The following RP1 variants were observed in gnomAD, a reference collection of about 807,000 sequenced individuals.
RP1 encodes oxygen-regulated protein 1.
Under a neutral mutation model 14.8 loss-of-function variants are expected in RP1, and 16 were observed. That is an observed-to-expected ratio of 1.08 (90% CI 0.73 to 1.65). The LOEUF is 1.65. Among genes scored for constraint, RP1 ranks in the 40% most tolerant of loss-of-function variants. The probability of loss-of-function intolerance (pLI) is 0.00; values close to 1 mark genes in which losing one functional copy is unlikely to be tolerated. For missense variants in RP1, 2,631 were observed against 2,535.0 expected (o/e 1.04, Z -0.81); for synonymous variants, 876 against 883.6 (o/e 0.99, Z 0.15).
At chr8:54,856,872 A>G (rs1812212774) in intron 26 of RP1, among the ~76,000 whole-genome samples, 1 of 152,204 alleles carries the variant, frequency 6.6e-6, no homozygotes, top group Admixed American at 6.5e-5. Context: ...CTCACAAAGC[A>G]TAGTGTAGAA....
intron 24 of RP1, among the ~76,000 whole-genome samples, chr8:54,816,647 A>G (rs1811138151): frequency 6.6e-6 from 1 of 152,204 alleles, no homozygotes; most frequent in African/African-American, 2.4e-5. Flanking sequence ...CTAGTCTCTT[A>G]CATAGTCTCT....
chr8:54,588,471 A>G (rs896138311), intron 1 of RP1, among the ~76,000 whole-genome samples: 1 of 152,220 alleles, frequency 6.6e-6, no homozygotes, highest in Non-Finnish European at 1.5e-5. Context: ...AAACAGCTGC[A>G]ATATTAGGAT....
At chr8:54,696,759 TAA>T (rs912991704) in intron 12 of RP1, 1 of 725,286 alleles carries the variant, frequency 1.4e-6, no homozygotes, top group Non-Finnish European at 2.5e-6. Context: ...GGTGTCTTGG[TAA>T]AAGTCACCCC....
At chr8:54,819,801 T>C (rs756707238) in intron 24 of RP1, among the ~76,000 whole-genome samples, 5 of 152,152 alleles carry the variant, frequency 3.3e-5, no homozygotes, top group Non-Finnish European at 7.3e-5. Flanking sequence ...AGTCTCTCAT[T>C]GTATTCTCTC....
At chr8:54,710,478 G>A (rs371332021) in intron 15 of RP1, among the ~76,000 whole-genome samples, 16 of 152,286 alleles carry the variant, frequency 1.1e-4, no homozygotes, top group Admixed American at 5.2e-4. Context: ...CCTTTGCCTC[G>A]TTGTGTAGGG....
intron 24 of RP1, among the ~76,000 whole-genome samples, chr8:54,805,898 A>G (rs1278215800): frequency 6.6e-6 from 1 of 152,198 alleles, no homozygotes; most frequent in Non-Finnish European, 1.5e-5. Context: ...GTTAGGTGCT[A>G]AAAGATAATC....
At chr8:54,757,626 CAG>C (rs1809540749) in intron 21 of RP1, among the ~76,000 whole-genome samples, 1 of 152,204 alleles carries the variant, frequency 6.6e-6, no homozygotes, top group Non-Finnish European at 1.5e-5. Flanking sequence ...TTTGTCCCAC[CAG>C]GGGAAGCCCT....
chr8:54,788,577 A>C (rs748597946), intron 24 of RP1, among the ~76,000 whole-genome samples: 1 of 152,132 alleles, frequency 6.6e-6, no homozygotes, highest in African/African-American at 2.4e-5. Context: ...CCCTGTTGAC[A>C]TGTTTGACTT....
downstream of RP1, among the ~76,000 whole-genome samples, chr8:54,774,252 C>T (rs1459074350): frequency 6.6e-6 from 1 of 152,078 alleles, no homozygotes; most frequent in African/African-American, 2.4e-5. Flanking sequence ...GAAGACACAC[C>T]GTGGCACCGG....
chr8:54,844,755 A>C (rs1563393981), intron 25 of RP1, among the ~76,000 whole-genome samples: 1 of 152,222 alleles, frequency 6.6e-6, no homozygotes, highest in Non-Finnish European at 1.5e-5. Context: ...AGCTGGAAAA[A>C]TGATATTCTT....
At chr8:54,855,874 G>A (rs75361122) in intron 26 of RP1, among the ~76,000 whole-genome samples, 8,840 of 151,276 alleles carry the variant, frequency 0.058, 376 homozygotes, top group African/African-American at 0.12. Context: ...TTGAACTCTC[G>A]TATGCTTCGC....
intron 24 of RP1, among the ~76,000 whole-genome samples, chr8:54,798,370 A>G (rs1018611340): frequency 3.3e-5 from 5 of 152,160 alleles, no homozygotes; most frequent in South Asian, 4.1e-4. Context: ...GTGGAATTTC[A>G]TTTGCCCAAG....
chr8:54,628,911 G>T lies in RP1; in HGVS notation c.5029G>T (p.Gly1677Trp). ...GAAAGCAAGTCTTTATGATTCTGAA[G>T]GGCAGTCATTTGGCTCTTCTGAACA... is the stretch of plus-strand genomic sequence containing the variant. ...SRKASLYDSEGQSFGSSEQVS... is the reference protein window; with the variant it reads ...SRKASLYDSEWQSFGSSEQVS... Residue 1677 changes from glycine to tryptophan, a missense_variant, in exon 4 of 4, where the codon GGG becomes TGG. By Grantham distance (184) the Gly-to-Trp change is radical. Transcript: ENST00000220676. 1 of 1,613,958 alleles carries T rather than the reference G, an allele frequency of 6.2e-7. No individual in the cohort carries two copies. Among genetic ancestry groups the T allele is most frequent in the African/African-American group, 1.3e-5 (1 of 74,968 alleles).
At chr8:54,599,702 G>A (rs1805230599) in intron 1 of RP1, among the ~76,000 whole-genome samples, 1 of 152,114 alleles carries the variant, frequency 6.6e-6, no homozygotes, top group African/African-American at 2.4e-5. Flanking sequence ...TGATCCACTT[G>A]CCTTGGCCTC....
At chr8:54,615,701 CTAG>C (rs1216607001), upstream of RP1, among the ~76,000 whole-genome samples, 1 of 152,066 alleles carries the variant, frequency 6.6e-6, no homozygotes, top group African/African-American at 2.4e-5. Flanking sequence ...AACAAAAGGC[CTAG>C]ATCTTTATTT....
intron 1 of RP1, among the ~76,000 whole-genome samples, chr8:54,605,275 A>T (rs1267366853): frequency 1.3e-5 from 2 of 152,092 alleles, no homozygotes; most frequent in African/African-American, 4.8e-5. Context: ...CATCTTTATT[A>T]CTGCCTTCAT....
exon 21 of RP1, chr8:54,755,630 C>A: frequency 6.5e-7 from 1 of 1,535,774 alleles, no homozygotes. Context: ...AGTGAGATAC[C>A]AGGTTGACGT....
intron 27 of RP1, among the ~76,000 whole-genome samples, chr8:54,858,109 A>G (rs1812248342): frequency 6.6e-6 from 1 of 152,182 alleles, no homozygotes; most frequent in African/African-American, 2.4e-5. Context: ...TACTGAATGA[A>G]CATATTTAAA....
chr8:54,629,439 G>A lies in RP1; in HGVS notation c.5557G>A (p.Glu1853Lys), dbSNP rs780501989. Residue 1853 changes from glutamate to lysine, a missense_variant, in exon 4 of 4, where the codon GAG becomes AAG. By Grantham distance (56) the Glu-to-Lys change is moderately conservative. Coordinates refer to ENST00000220676, the MANE Select transcript of RP1 (RefSeq NM_006269.2). ...GGAAAGAATAGCAAATCATCATACA[G>A]AGGAGAAGGGTAGTCATCAGTCAGA... is the stretch of plus-strand genomic sequence containing the variant. ...AKERIANHHT[E>K]EKGSHQSERV... The A allele has an allele frequency of 6.2e-7, 1 of 1,614,152 alleles. No individual in the cohort carries two copies. Among genetic ancestry groups the A allele is most frequent in the South Asian group, 1.1e-5 (1 of 91,068 alleles).
Sources: gnomAD v4.1 joint callset for allele counts (sites outside exome capture counted in the v4.1 genomes callset) on GRCh38, gnomAD v4.1.1 for gene constraint, MANE v1.5 for transcripts, NCBI Gene and HGNC (gene_info 2026-07-23, HGNC 2026-07-21) for gene names.